Variants in AXDND1 observed in about 807,000 individuals in gnomAD.
The protein encoded by AXDND1 is axonemal dynein light chain domain containing 1, also known as axonemal dynein light chain domain-containing protein 1.
AXDND1 carries 110 observed loss-of-function variants against 137.5 expected under a neutral mutation model. The ratio of observed to expected loss-of-function variants is 0.80; its 90% CI spans 0.69 to 0.94. AXDND1 has a LOEUF of 0.94. Among genes scored for constraint, AXDND1 ranks in the 40% least tolerant of loss-of-function variants. AXDND1 has a pLI of 0.00. For missense variants in AXDND1, 1,191 were observed against 1,169.8 expected (o/e 1.02, Z -0.26); for synonymous variants, 414 against 399.7 (o/e 1.04, Z -0.43).
chr1:179,399,748 G>A (rs1396771202), intron 11 of AXDND1, among the ~76,000 whole-genome samples: 2 of 151,838 alleles, frequency 1.3e-5, no homozygotes, highest in African/African-American at 4.8e-5. Context: ...AAACAATCAC[G>A]TCAAAAAGTG....
chr1:179,389,580 A>G (rs906145110), intron 9 of AXDND1, among the ~76,000 whole-genome samples: 1 of 152,154 alleles, frequency 6.6e-6, no homozygotes. Flanking sequence ...TCTGGTTCTC[A>G]GTGTTGGTAT....
intron 12 of AXDND1, among the ~76,000 whole-genome samples, chr1:179,427,094 G>A (rs1165316595): frequency 1.3e-5 from 2 of 152,174 alleles, no homozygotes; most frequent in African/African-American, 4.8e-5. Flanking sequence ...AACCTGGGAG[G>A]CAGAGGTTGC....
intron 11 of AXDND1, among the ~76,000 whole-genome samples, chr1:179,409,961 C>T (rs1653607698): frequency 6.6e-6 from 1 of 151,728 alleles, no homozygotes; most frequent in Non-Finnish European, 1.5e-5. Flanking sequence ...GGATTTTTTG[C>T]TTTTACTGTT....
At chr1:179,519,656 A>G (rs1324147315) in intron 21 of AXDND1, among the ~76,000 whole-genome samples, 4 of 152,022 alleles carry the variant, frequency 2.6e-5, no homozygotes, top group African/African-American at 2.4e-5. Flanking sequence ...TTCTTTCCCT[A>G]TTGCTTGTTT....
rs73036764 is a variant in AXDND1, at chr1:179,488,014, A to G, written c.2092-3524A>G. On this transcript the variant is annotated intron_variant, in intron 18 of 25. Coordinates refer to ENST00000367618, the MANE Select transcript of AXDND1 (RefSeq NM_144696.6). ...ATGTCTCAAAAAAAAAAAAAAAAAA[A>G]AGAGAAATTTCAATTCCGTCAATCA... Among the ~76,000 whole-genome samples the G allele has an allele frequency of 2.8e-4, 37 of 130,268 alleles. 3 individuals are homozygous for G. Among genetic ancestry groups the G allele is most frequent in the South Asian group, 6.8e-4 (3 of 4,388 alleles). 85.5% of individuals were successfully genotyped at this position (130,268 alleles called of 152,430 possible).
intron 16 of AXDND1, among the ~76,000 whole-genome samples, chr1:179,464,693 A>G (rs548709758): frequency 3.0e-4 from 46 of 152,228 alleles, no homozygotes; most frequent in Non-Finnish European, 6.5e-4. Context: ...TCTCCTGGAT[A>G]ATATCCTGAA....
chr1:179,514,113 T>C (rs1342212032), intron 21 of AXDND1, among the ~76,000 whole-genome samples: 3 of 152,104 alleles, frequency 2.0e-5, no homozygotes, highest in Non-Finnish European at 4.4e-5. Flanking sequence ...TCTGCTGGGT[T>C]TGGGTTTGGT....
chr1:179,490,764 T>TTTG (rs1553293382), intron 18 of AXDND1, among the ~76,000 whole-genome samples: 1 of 150,502 alleles, frequency 6.6e-6, no homozygotes, highest in African/African-American at 2.4e-5. Flanking sequence ...CAGTACTTGT[T>TTTG]TTTTTTTTTT....
intron 25 of AXDND1, among the ~76,000 whole-genome samples, chr1:179,548,060 A>G (rs1672807999): frequency 6.6e-6 from 1 of 152,014 alleles, no homozygotes; most frequent in Non-Finnish European, 1.5e-5. Flanking sequence ...GGAATCAAAA[A>G]CAGGAGACCA....
At chr1:179,445,320 C>A in intron 16 of AXDND1, 116 bp downstream of exon 16, 1 of 773,516 alleles carries the variant, frequency 1.3e-6, no homozygotes, top group Non-Finnish European at 1.9e-6. Flanking sequence ...TTTTAAAAAC[C>A]AAGCAAAATA....
intron 17 of AXDND1, among the ~76,000 whole-genome samples, chr1:179,482,421 C>A (rs1039517237): frequency 1.3e-5 from 2 of 152,004 alleles, no homozygotes; most frequent in Admixed American, 6.6e-5. Context: ...CCTGCATTTA[C>A]CCAGTACCTA....
chr1:179,442,551 C>T (rs1366366631), intron 15 of AXDND1, among the ~76,000 whole-genome samples: 1 of 152,174 alleles, frequency 6.6e-6, no homozygotes, highest in Non-Finnish European at 1.5e-5. Context: ...AGGACCATTT[C>T]GTTTCAACAA....
At chr1:179,436,521 T>TG (rs748554935) in intron 15 of AXDND1, among the ~76,000 whole-genome samples, 1 of 152,128 alleles carries the variant, frequency 6.6e-6, no homozygotes, top group Non-Finnish European at 1.5e-5. Flanking sequence ...TAGAAAGGAA[T>TG]GAGATCATGT....
At chr1:179,491,040 A>G in intron 18 of AXDND1, among the ~76,000 whole-genome samples, 1 of 152,318 alleles carries the variant, frequency 6.6e-6, no homozygotes, top group East Asian at 1.9e-4. Context: ...AGAAGAGATC[A>G]GTGGCTGGGC....
chr1:179,402,061 A>G (rs1419629569), intron 11 of AXDND1, among the ~76,000 whole-genome samples: 3 of 151,262 alleles, frequency 2.0e-5, no homozygotes, highest in African/African-American at 7.3e-5. Context: ...AGTCCCAGCT[A>G]TTCAAGAGGC....
intron 16 of AXDND1, among the ~76,000 whole-genome samples, chr1:179,464,908 G>A (rs147461503): frequency 2.7e-3 from 417 of 152,204 alleles, no homozygotes; most frequent in Non-Finnish European, 4.4e-3. Context: ...GATCAAATCA[G>A]CTACTGAAGC....
chr1:179,525,132 A>G (rs934417649), intron 21 of AXDND1, among the ~76,000 whole-genome samples: 3 of 152,316 alleles, frequency 2.0e-5, no homozygotes, highest in Admixed American at 1.3e-4. Flanking sequence ...TGCTCCTACT[A>G]TGTGAATGTA....
At chr1:179,528,641 C>CTTTTTTTT (rs34531104) in intron 23 of AXDND1, among the ~76,000 whole-genome samples, 2 of 115,374 alleles carry the variant, frequency 1.7e-5, no homozygotes, top group Non-Finnish European at 3.4e-5. Flanking sequence ...CTTTAAACCT[C>CTTTTTTTT]TTTTTTTTTT....
At chr1:179,444,888 A>C (rs1659507933) in intron 15 of AXDND1, 82 bp from the exon 16 acceptor site, 1 of 905,748 alleles carries the variant, frequency 1.1e-6, no homozygotes. Flanking sequence ...ATTGGGAGTC[A>C]CTGGGGAATA....
Sources: allele counts gnomAD v4.1 joint callset (sites outside exome capture counted in the v4.1 genomes callset), GRCh38; gene constraint gnomAD v4.1.1; transcripts MANE v1.5; gene names NCBI Gene and HGNC (gene_info 2026-07-23, HGNC 2026-07-21).